GRM7: variants seen among roughly 807,000 people sequenced by gnomAD.
GRM7 encodes metabotropic glutamate receptor 7.
Under a neutral mutation model 84.5 loss-of-function variants are expected in GRM7, and 35 were observed. The ratio of observed to expected loss-of-function variants is 0.41; its 90% CI spans 0.32 to 0.55. The LOEUF (loss-of-function observed/expected upper bound fraction) is 0.55, where lower values mean the gene tolerates loss of function less well. Ranked by LOEUF, GRM7 falls within the 20% of genes least tolerant of loss-of-function variation. GRM7 has a pLI of 0.19. For synonymous variants in GRM7, 487 were observed against 455.1 expected, an observed-to-expected ratio of 1.07 and a Z score of -0.89; for missense variants, 1,003 against 1,194.6, an observed-to-expected ratio of 0.84 and a Z score of 2.36.
chr3:7,583,757 T>G (rs1370778781), intron 8 of GRM7, among the ~76,000 whole-genome samples: 1 of 152,236 alleles, frequency 6.6e-6, no homozygotes, highest in East Asian at 1.9e-4. Context: ...GCCCTGGTTC[T>G]CTTAGGAAGC....
chr3:7,198,945 T>C (rs530082167), intron 2 of GRM7, among the ~76,000 whole-genome samples: 1 of 152,192 alleles, frequency 6.6e-6, no homozygotes, highest in African/African-American at 2.4e-5. Flanking sequence ...CCATGATGTA[T>C]CTTTAAAAGT....
intron 9 of GRM7, among the ~76,000 whole-genome samples, chr3:7,724,540 C>G (rs1345562634): frequency 6.6e-6 from 1 of 152,208 alleles, no homozygotes; most frequent in Non-Finnish European, 1.5e-5. Context: ...GGATCAGAGG[C>G]TGTTCCTACT....
chr3:7,625,007 A>G (rs6799329), intron 8 of GRM7, among the ~76,000 whole-genome samples: 88,603 of 152,004 alleles, frequency 0.58, 26,205 homozygotes, highest in East Asian at 0.73. Context: ...CAATGCTAAT[A>G]TGCTTCCAGA....
chr3:7,380,746 G>A (rs1189172441), intron 4 of GRM7, among the ~76,000 whole-genome samples: 9 of 152,152 alleles, frequency 5.9e-5, no homozygotes, highest in Non-Finnish European at 2.9e-5. Context: ...AAAACTCAAG[G>A]AATGTGTCCT....
At chr3:7,203,201 A>G (rs1302345749) in intron 2 of GRM7, among the ~76,000 whole-genome samples, 1 of 150,718 alleles carries the variant, frequency 6.6e-6, no homozygotes, top group Non-Finnish European at 1.5e-5. Context: ...ACCTCTCTTC[A>G]TGTCTCCTTC....
intron 3 of GRM7, among the ~76,000 whole-genome samples, chr3:7,305,616 C>CA (rs1214563064): frequency 8.6e-5 from 12 of 139,140 alleles, no homozygotes; most frequent in Admixed American, 1.4e-4. Context: ...TTTGTTCTTG[C>CA]GATAGTTTAC....
In GRM7 at chr3:6,863,866, C is replaced by G. The variant is rs1559292171; in HGVS notation, c.519+1959C>G. Among the ~76,000 whole-genome samples the G allele has an allele frequency of 6.6e-6, 1 of 152,118 alleles. No individual in the cohort carries two copies. The highest frequency in any genetic ancestry group is 1.5e-5 in the Non-Finnish European group (1 of 68,026). On this transcript the variant is annotated intron_variant, in intron 1 of 9. Transcript: ENST00000357716. The surrounding 1 kb of genome is among the most constrained non-coding windows in gnomAD (Gnocchi z 4.8). ...TGGGCAGTACTGCGGATCAGCCTGT[C>G]TCTGTCTGAAAAAAGAGTGAAATGT...
chr3:6,954,980 C>T (rs1376070291), intron 1 of GRM7, among the ~76,000 whole-genome samples: 1 of 152,004 alleles, frequency 6.6e-6, no homozygotes, highest in South Asian at 2.1e-4. Flanking sequence ...AATAATATTC[C>T]CCTCCAGGGG....
intron 4 of GRM7, among the ~76,000 whole-genome samples, chr3:7,366,950 T>C (rs557150131): frequency 1.5e-5 from 2 of 133,526 alleles, no homozygotes; most frequent in African/African-American, 5.6e-5. Flanking sequence ...ATTTAATGAA[T>C]CTTAAAATTA....
chr3:7,667,337 A>G (rs916413920), intron 8 of GRM7, among the ~76,000 whole-genome samples: 4 of 151,784 alleles, frequency 2.6e-5, no homozygotes, highest in Admixed American at 6.6e-5. Context: ...TGAGAATAAC[A>G]TTTTCAGGCA....
chr3:7,732,170 C>G (rs9859547), intron 9 of GRM7, among the ~76,000 whole-genome samples: 3,628 of 152,188 alleles, frequency 0.024, 136 homozygotes, highest in African/African-American at 0.082. Context: ...CTCAGCCTCC[C>G]GTATTAAGCT....
intron 4 of GRM7, among the ~76,000 whole-genome samples, chr3:7,312,491 A>G (rs1700435493): frequency 6.6e-6 from 1 of 152,110 alleles, no homozygotes; most frequent in Non-Finnish European, 1.5e-5. Flanking sequence ...GGGTCGAGTG[A>G]TATTATTCCA....
At chr3:7,550,335 C>T (rs1437158944) in intron 7 of GRM7, among the ~76,000 whole-genome samples, 2 of 141,566 alleles carry the variant, frequency 1.4e-5, no homozygotes, top group African/African-American at 2.6e-5. Flanking sequence ...TCCCTTTCAC[C>T]TTCCCTCCTC....
At chr3:7,021,949 T>C (rs1227204044) in intron 1 of GRM7, among the ~76,000 whole-genome samples, 1 of 152,158 alleles carries the variant, frequency 6.6e-6, no homozygotes, top group Non-Finnish European at 1.5e-5. Flanking sequence ...GGCTTTTTCA[T>C]ATAGAAATAA....
intron 8 of GRM7, among the ~76,000 whole-genome samples, chr3:7,648,030 C>G (rs1698733807): frequency 6.6e-6 from 1 of 152,110 alleles, no homozygotes; most frequent in African/African-American, 2.4e-5. Context: ...CTCGGCCTAA[C>G]TGCATTTTAC....
rs927493933 is a variant in GRM7 at position 6,891,079 on chromosome 3, T to C, written c.519+29172T>C. Among the ~76,000 whole-genome samples, 3 of 152,342 alleles carry C rather than the reference T, an allele frequency of 2.0e-5. No homozygotes were observed. In the East Asian group the frequency reaches 5.8e-4, roughly 29 times the overall value. On this transcript the variant is annotated intron_variant, in intron 1 of 9. Transcript: ENST00000357716. ...CCCCTGCCATTTTTTGTTTTCCATT[T>C]GCTTGGTAGATCTTCCTCCATCCTT...
At chr3:7,569,363 C>A (rs1256659204) in intron 7 of GRM7, among the ~76,000 whole-genome samples, 1 of 152,006 alleles carries the variant, frequency 6.6e-6, no homozygotes, top group African/African-American at 2.4e-5. Context: ...ACTTGGAGAA[C>A]CTTTGTGTCC....
At chr3:7,055,185 T>C (rs1697169435) in intron 1 of GRM7, among the ~76,000 whole-genome samples, 1 of 151,860 alleles carries the variant, frequency 6.6e-6, no homozygotes, top group South Asian at 2.1e-4. Flanking sequence ...CTATTGGGAT[T>C]TTCTTCCTTC....
intron 4 of GRM7, among the ~76,000 whole-genome samples, chr3:7,313,220 C>G (rs150545227): frequency 6.6e-6 from 1 of 152,098 alleles, no homozygotes; most frequent in Non-Finnish European, 1.5e-5. Flanking sequence ...TGACCCACTG[C>G]GCCCAGCCTC....
Sources: gnomAD v4.1 joint callset for allele counts (sites outside exome capture counted in the v4.1 genomes callset) on GRCh38, gnomAD v4.1.1 for gene constraint, Gnocchi (gnomAD v3.1) non-coding constraint, MANE v1.5 for transcripts, NCBI Gene and HGNC (gene_info 2026-07-23, HGNC 2026-07-21) for gene names.